OR1J2: variants seen among roughly 807,000 people sequenced by gnomAD.
OR1J2 encodes olfactory receptor 1J2.
For synonymous variants in OR1J2, 142 were observed against 99.7 expected, an observed-to-expected ratio of 1.42 and a Z score of -2.52; for missense variants, 304 against 246.1, an observed-to-expected ratio of 1.24 and a Z score of -1.57.
the OR1J2 span, among the ~76,000 whole-genome samples, chr9:122,557,152 T>TA: frequency 6.6e-6 from 1 of 152,140 alleles, no homozygotes; most frequent in Admixed American, 6.6e-5. Context: ...GGATTTTCTG[T>TA]AAAAATCATG....
downstream of OR1J2, among the ~76,000 whole-genome samples, chr9:122,514,473 C>T (rs1456926362): frequency 6.6e-6 from 1 of 152,078 alleles, no homozygotes; most frequent in Non-Finnish European, 1.5e-5. Flanking sequence ...TTTTTGATGC[C>T]TTCGTAGTAT....
At chr9:122,564,833 A>G in the OR1J2 span, among the ~76,000 whole-genome samples, 3 of 152,238 alleles carry the variant, frequency 2.0e-5, no homozygotes, top group African/African-American at 7.2e-5. Flanking sequence ...CTTAACTGTC[A>G]TACCTCAGGA....
chr9:122,557,231 T>C, the OR1J2 span, among the ~76,000 whole-genome samples: 47 of 152,168 alleles, frequency 3.1e-4, no homozygotes, highest in African/African-American at 1.1e-3. Context: ...TCTTGTCTTA[T>C]GCATTACTAG....
At chr9:122,483,300 G>A in the OR1J2 span, among the ~76,000 whole-genome samples, 1 of 152,122 alleles carries the variant, frequency 6.6e-6, no homozygotes, top group Middle Eastern at 3.4e-3. Flanking sequence ...AAGGAAAAAG[G>A]CCACATTATT....
the OR1J2 span, among the ~76,000 whole-genome samples, chr9:122,485,463 G>C: frequency 3.3e-5 from 5 of 152,070 alleles, no homozygotes; most frequent in Non-Finnish European, 7.4e-5. Context: ...AGATTATCTG[G>C]GTTAGTTTTG....
In OR1J2 at chr9:122,510,825, C is replaced by T. The variant is rs778720324; in HGVS notation, c.24C>T (p.Ser8=). 49 of 1,594,208 alleles carry T rather than the reference C, an allele frequency of 3.1e-5. No individual in the cohort carries two copies. The highest frequency in any genetic ancestry group is 3.4e-5 in the Admixed American group (2 of 59,206). ...GTATGAGCCCTGAGAACCAGAGCAG[C>T]GTGTCCGAGTTCCTCCTTCTGGGCC... is the stretch of plus-strand genomic sequence containing the variant. The part of the protein sequence containing the change: MSPENQS[S]VSEFLLLGLP... The change falls in exon 1 of 1, where the codon AGC becomes AGT. Residue 8 remains serine (S), a synonymous_variant. Coordinates refer to ENST00000335302, the MANE Select transcript of OR1J2 (RefSeq NM_054107.1).
the OR1J2 span, among the ~76,000 whole-genome samples, chr9:122,565,296 T>C: frequency 6.6e-6 from 1 of 152,160 alleles, no homozygotes; most frequent in Non-Finnish European, 1.5e-5. Context: ...TATGAAGATA[T>C]CTGTGTCCCA....
chr9:122,499,995 C>T, the OR1J2 span, among the ~76,000 whole-genome samples: 1 of 152,200 alleles, frequency 6.6e-6, no homozygotes, highest in Non-Finnish European at 1.5e-5. Flanking sequence ...AACAGGAGCA[C>T]AATTATAGCA....
upstream of OR1J2, among the ~76,000 whole-genome samples, chr9:122,509,521 G>A (rs7019545): frequency 0.52 from 79,694 of 151,976 alleles, 21,182 homozygotes; most frequent in African/African-American, 0.59. Context: ...TTTCCCTAAA[G>A]TATTTTCTCA....
the OR1J2 span, among the ~76,000 whole-genome samples, chr9:122,468,121 T>C: frequency 1.3e-5 from 2 of 152,228 alleles, no homozygotes; most frequent in African/African-American, 2.4e-5. Context: ...TTCTTTGCTG[T>C]CCTTCACAGG....
chr9:122,472,885 T>A, the OR1J2 span, among the ~76,000 whole-genome samples: 1 of 152,162 alleles, frequency 6.6e-6, no homozygotes, highest in Non-Finnish European at 1.5e-5. Context: ...AAGGAAAACA[T>A]CAGCTCCTGA....
chr9:122,474,197 C>G, the OR1J2 span, among the ~76,000 whole-genome samples: 1 of 152,172 alleles, frequency 6.6e-6, no homozygotes, highest in African/African-American at 2.4e-5. Context: ...AAACTGTATA[C>G]TTGTTGTCTG....
the OR1J2 span, among the ~76,000 whole-genome samples, chr9:122,548,926 T>G: frequency 6.6e-6 from 1 of 152,054 alleles, no homozygotes; most frequent in Non-Finnish European, 1.5e-5. Flanking sequence ...GTGGTTTGTT[T>G]ACTCTGTTGA....
chr9:122,476,969 A>T, the OR1J2 span: 42 of 1,404,448 alleles, frequency 3.0e-5, no homozygotes, highest in Non-Finnish European at 3.6e-5. Flanking sequence ...CAGCCTCCCA[A>T]AGTGTTGAGA....
the OR1J2 span, among the ~76,000 whole-genome samples, chr9:122,543,907 C>T: frequency 6.6e-6 from 1 of 152,172 alleles, no homozygotes; most frequent in African/African-American, 2.4e-5. Context: ...TTATTTAAAG[C>T]CATTAAGTTT....
At chr9:122,519,085 T>G in the OR1J2 span, 1 of 1,224,666 alleles carries the variant, frequency 8.2e-7, no homozygotes. Context: ...TCAACATTTG[T>G]TTGTTTCTGC....
the OR1J2 span, among the ~76,000 whole-genome samples, chr9:122,527,705 T>G: frequency 2.0e-5 from 3 of 152,190 alleles, no homozygotes; most frequent in Non-Finnish European, 2.9e-5. Context: ...CTCATTCATT[T>G]TAGAGTGAAG....
At chr9:122,537,244 AG>A in the OR1J2 span, among the ~76,000 whole-genome samples, 3 of 152,244 alleles carry the variant, frequency 2.0e-5, no homozygotes, top group African/African-American at 7.2e-5. Context: ...GAAACAGAAC[AG>A]GGCAGGGAGT....
At chr9:122,498,433 C>T in the OR1J2 span, among the ~76,000 whole-genome samples, 4 of 152,166 alleles carry the variant, frequency 2.6e-5, no homozygotes, top group African/African-American at 9.7e-5. Context: ...ATTGATGAAG[C>T]TTTCACTTAT....
Sources: allele counts gnomAD v4.1 joint callset (sites outside exome capture counted in the v4.1 genomes callset), GRCh38; gene constraint gnomAD v4.1.1; transcripts MANE v1.5; gene names NCBI Gene and HGNC (gene_info 2026-07-23, HGNC 2026-07-21).